Variants in EVL observed in about 807,000 individuals in gnomAD.
EVL encodes Enah/Vasp-like.
EVL carries 21 observed loss-of-function variants against 59.6 expected under a neutral mutation model. The ratio of observed to expected loss-of-function variants is 0.35; its 90% CI spans 0.25 to 0.51. The LOEUF is 0.51. EVL is among the 20% of genes least tolerant of loss of function. The probability of loss-of-function intolerance (pLI) is 0.97; values close to 1 mark genes in which losing one functional copy is unlikely to be tolerated. For missense variants in EVL, 462 were observed against 546.6 expected (o/e 0.85, Z 1.54); for synonymous variants, 198 against 203.5 (o/e 0.97, Z 0.23).
chr14:99,976,527 C>T (rs1275716189), intron 1 of EVL, among the ~76,000 whole-genome samples: 1 of 151,692 alleles, frequency 6.6e-6, no homozygotes. Context: ...TGTCTTGTCT[C>T]CTTATGTGCC....
At chr14:100,070,400 C>T (rs776569798) in intron 1 of EVL, among the ~76,000 whole-genome samples, 4 of 152,148 alleles carry the variant, frequency 2.6e-5, no homozygotes, top group Non-Finnish European at 5.9e-5. Flanking sequence ...TAAACTTGTC[C>T]CAATTTGCAG....
At chr14:99,983,738 A>AGACT (rs2060823150) in intron 1 of EVL, among the ~76,000 whole-genome samples, 1 of 152,172 alleles carries the variant, frequency 6.6e-6, no homozygotes. Context: ...ATCTCAGTCT[A>AGACT]GCTGCTTCCT....
intron 1 of EVL, among the ~76,000 whole-genome samples, chr14:99,988,555 C>A (rs2060855028): frequency 6.6e-6 from 1 of 152,096 alleles, no homozygotes; most frequent in South Asian, 2.1e-4. Context: ...CATAGAGTTA[C>A]CCTATGACCT....
Position 100,141,201 on chromosome 14 carries a change from G to C in EVL, c.1116G>C (p.Val372=). ...CCAGGATGAAGCCTGCTGGGAGCGT[G>C]AATGACATGGCCCTGGATGCCTTCG... is the stretch of plus-strand genomic sequence containing the variant. ...PHSRMKPAGS[V]NDMALDAFDL... Residue 372 remains valine (V), a synonymous_variant, in exon 12 of 14, where the codon GTG becomes GTC. Coordinates refer to ENST00000392920, the MANE Select transcript of EVL (RefSeq NM_016337.3). The C allele has an allele frequency of 6.2e-7, 1 of 1,613,940 alleles. No individual in the cohort carries two copies.
chr14:99,986,058 A>G (rs533313811), intron 1 of EVL, among the ~76,000 whole-genome samples: 243 of 152,144 alleles, frequency 1.6e-3, no homozygotes, highest in African/African-American at 5.5e-3. Context: ...TTGGGAGGCC[A>G]AGGCGAGCGG....
At chr14:100,135,769 A>G (rs1039530411) in intron 8 of EVL, 136 bp from the exon 9 acceptor site, 8 of 782,780 alleles carry the variant, frequency 1.0e-5, no homozygotes, top group Admixed American at 6.6e-5. Flanking sequence ...TAAATATTTA[A>G]TGTTTTGCTA....
At chr14:100,023,453 G>A (rs553559185) in intron 1 of EVL, among the ~76,000 whole-genome samples, 20 of 140,560 alleles carry the variant, frequency 1.4e-4, no homozygotes, top group Non-Finnish European at 2.1e-4. Context: ...TCAGCCTCCC[G>A]AGTAGCTGGG....
chr14:100,090,760 A>C (rs1237342536), intron 2 of EVL, among the ~76,000 whole-genome samples: 3 of 152,174 alleles, frequency 2.0e-5, no homozygotes, highest in Non-Finnish European at 4.4e-5. Flanking sequence ...AAAGTACAAA[A>C]GTGATTTATT....
chr14:100,046,415 C>T (rs2061546230), intron 1 of EVL, among the ~76,000 whole-genome samples: 1 of 152,074 alleles, frequency 6.6e-6, no homozygotes, highest in African/African-American at 2.4e-5. Context: ...ACCTGTAATC[C>T]CAACACTTTG....
intron 1 of EVL, among the ~76,000 whole-genome samples, 167 bp from the exon 2 acceptor site, chr14:100,084,520 T>A (rs753693326): frequency 1.3e-5 from 2 of 152,234 alleles, no homozygotes; most frequent in African/African-American, 4.8e-5. Context: ...CCTTAGAGAA[T>A]GTAAGCTCAT....
In EVL at chr14:100,108,931, C is replaced by T. The variant is rs550640540; in HGVS notation, c.358+11273C>T. ...CTCTGGACCCCAAAAACCCACACAT[C>T]GTCTGCCTTATAAGCTCTCAGTATA... On this transcript the variant is annotated intron_variant, in intron 3 of 13. Coordinates refer to ENST00000392920, the MANE Select transcript of EVL (RefSeq NM_016337.3). The surrounding 1 kb of genome is among the most constrained non-coding windows in gnomAD (Gnocchi z 4.1). 2.0e-5 allele frequency among the ~76,000 whole-genome samples: 3 copies of T among 152,324 alleles called. No individual in the cohort carries two copies. The highest frequency in any genetic ancestry group is 2.0e-4 in the Admixed American group (3 of 15,310).
chr14:99,989,169 T>C (rs2060859543), intron 1 of EVL, among the ~76,000 whole-genome samples: 1 of 152,184 alleles, frequency 6.6e-6, no homozygotes, highest in African/African-American at 2.4e-5. Flanking sequence ...TTTCAGAACC[T>C]TTATTCCCAG....
intron 2 of EVL, among the ~76,000 whole-genome samples, chr14:100,096,536 T>G (rs1885824118): frequency 6.6e-6 from 1 of 152,186 alleles, no homozygotes; most frequent in African/African-American, 2.4e-5. Context: ...TATCACATTC[T>G]TCTCCATTTG....
At chr14:100,089,302 A>G (rs2062513723) in intron 2 of EVL, among the ~76,000 whole-genome samples, 1 of 152,266 alleles carries the variant, frequency 6.6e-6, no homozygotes, top group Non-Finnish European at 1.5e-5. Context: ...TCATTTGTAG[A>G]AACTATAGCC....
intron 1 of EVL, among the ~76,000 whole-genome samples, chr14:100,026,198 C>G (rs2061208312): frequency 6.6e-6 from 1 of 150,466 alleles, no homozygotes; most frequent in Non-Finnish European, 1.5e-5. Flanking sequence ...CTGCAGTGAG[C>G]CAAGATCATG....
chr14:100,064,852 G>A (rs890891607), upstream of EVL, among the ~76,000 whole-genome samples: 1 of 152,222 alleles, frequency 6.6e-6, no homozygotes, highest in African/African-American at 2.4e-5. Flanking sequence ...TGTGGTGGCG[G>A]TGAGCCAAGA....
At position 100,000,340 on chromosome 14, in the gene EVL, CTTTTTTT is replaced by C. The variant is rs60864913; in HGVS notation, c.5+28302_5+28308del. Among the ~76,000 whole-genome samples the C allele has an allele frequency of 6.1e-3, 612 of 99,882 alleles. 3 individuals carry two copies. Among genetic ancestry groups the C allele is most frequent in the African/African-American group, 0.023 (592 of 26,214 alleles). The allele number at this position is 99,882 out of a possible 152,430, so 65.5% of individuals were successfully genotyped here. A position where few individuals can be genotyped will look rare whatever the true frequency, so the allele number is the denominator to read the frequency against. On this transcript the variant is annotated intron_variant, in intron 1 of 13. Transcript: ENST00000402714. ...TAGATAAGAGACAAACTGTTGCATT[CTTTTTTT>C]TTTTTTTTTTTTTTTTTTGAGACGG...
intron 1 of EVL, among the ~76,000 whole-genome samples, chr14:100,044,332 T>C (rs2061515029): frequency 6.6e-6 from 1 of 152,130 alleles, no homozygotes; most frequent in Non-Finnish European, 1.5e-5. Flanking sequence ...AGTCCCTATA[T>C]TTTTTTAATA....
chr14:100,001,219 G>T (rs540658615), intron 1 of EVL, among the ~76,000 whole-genome samples: 12 of 152,244 alleles, frequency 7.9e-5, no homozygotes, highest in East Asian at 1.9e-4. Context: ...AGTTTGCAAG[G>T]CTTTAAGAAG....
Sources: gnomAD v4.1 joint callset for allele counts (sites outside exome capture counted in the v4.1 genomes callset) on GRCh38, gnomAD v4.1.1 for gene constraint, Gnocchi (gnomAD v3.1) non-coding constraint, MANE v1.5 for transcripts, NCBI Gene and HGNC (gene_info 2026-07-23, HGNC 2026-07-21) for gene names.